The following UVRAG variants were observed in gnomAD, a reference collection of about 807,000 sequenced individuals.
UVRAG encodes the protein UV radiation resistance-associated gene protein.
A neutral mutation model predicts 78.0 loss-of-function variants in UVRAG; 19 were observed. The observed-to-expected ratio is 0.24, with a 90% CI of 0.17 to 0.36. UVRAG has a LOEUF of 0.36. UVRAG is among the 10% of genes least tolerant of loss of function. The pLI is 1.00. For synonymous variants in UVRAG, 323 were observed against 324.6 expected (o/e 1.00, Z 0.05); for missense variants, 740 against 853.8 (o/e 0.87, Z 1.66).
At chr11:75,867,252 A>T (rs991008787) in intron 3 of UVRAG, among the ~76,000 whole-genome samples, 32 of 152,194 alleles carry the variant, frequency 2.1e-4, no homozygotes, top group African/African-American at 7.5e-4. Flanking sequence ...ATACACCCAT[A>T]TATCCAGCAT....
intron 5 of UVRAG, 83 bp downstream of exon 5, chr11:75,888,986 ACT>A (rs1947155410): frequency 2.6e-6 from 3 of 1,133,548 alleles, no homozygotes; most frequent in Non-Finnish European, 3.7e-6. Context: ...AATCCTGAAA[ACT>A]CTGTGTAAAT....
intron 13 of UVRAG, among the ~76,000 whole-genome samples, chr11:76,078,597 C>A (rs147334727): frequency 4.6e-4 from 70 of 151,652 alleles, no homozygotes; most frequent in African/African-American, 1.6e-3. Flanking sequence ...GAACATAACA[C>A]CAACAATTAG....
Position 76,046,337 on chromosome 11 carries a change from C to T in UVRAG, c.1227-19373C>T, listed in dbSNP as rs572004929. Reference sequence around the variant, plus strand: ...AGGGAAACCATAGATGATCAGCCCCCGCACTGGCCAATGGAGCAAGAGATC... The same window carrying T: ...AGGGAAACCATAGATGATCAGCCCCTGCACTGGCCAATGGAGCAAGAGATC... On this transcript the variant is annotated intron_variant, in intron 12 of 14. Transcript: ENST00000356136. Among the ~76,000 whole-genome samples, 126 of 152,136 alleles carry T rather than the reference C, an allele frequency of 8.3e-4. 2 individuals carry two copies. The highest frequency in any genetic ancestry group is 2.1e-4 in the Non-Finnish European group (14 of 68,004).
At chr11:75,817,259 T>A (rs1945279368) in intron 1 of UVRAG, among the ~76,000 whole-genome samples, 1 of 152,090 alleles carries the variant, frequency 6.6e-6, no homozygotes, top group African/African-American at 2.4e-5. Context: ...CAAGAAGGTT[T>A]TAGTTTGGGG....
rs148875419 is a variant in UVRAG, at chr11:76,076,512, A to G, written c.1305+10724A>G. On this transcript the variant is annotated intron_variant, in intron 13 of 14. Transcript: ENST00000356136. ...TGCTCCCATGATTCAATTACCTCCC[A>G]CTGGGTCCCTCCCATGACACGTGGA... is the stretch of plus-strand genomic sequence containing the variant. 1.4e-4 allele frequency among the ~76,000 whole-genome samples: 21 copies of G among 152,242 alleles called. No homozygotes were observed. In the East Asian group the frequency reaches 3.5e-3, roughly 25 times the overall value.
chr11:75,978,697 A>G (rs559236689), intron 7 of UVRAG, among the ~76,000 whole-genome samples: 8 of 152,120 alleles, frequency 5.3e-5, no homozygotes, highest in Admixed American at 2.0e-4. Context: ...CATAGTTCTT[A>G]TGTCATGGTT....
chr11:75,973,217 T>C (rs1414705903), intron 7 of UVRAG, among the ~76,000 whole-genome samples: 1 of 152,220 alleles, frequency 6.6e-6, no homozygotes, highest in Non-Finnish European at 1.5e-5. Context: ...TTCCCCTCTT[T>C]TCCTAGTTAG....
chr11:75,974,588 G>A (rs1383357340), intron 7 of UVRAG, among the ~76,000 whole-genome samples: 2 of 151,196 alleles, frequency 1.3e-5, no homozygotes, highest in Admixed American at 6.6e-5. Context: ...GGATGGTCTC[G>A]ATCTCCTGAC....
intron 6 of UVRAG, among the ~76,000 whole-genome samples, chr11:75,915,970 A>C (rs1267880403): frequency 6.6e-6 from 1 of 152,206 alleles, no homozygotes; most frequent in African/African-American, 2.4e-5. Flanking sequence ...AATCATATCT[A>C]ATCTGTTCTC....
intron 12 of UVRAG, among the ~76,000 whole-genome samples, chr11:76,040,862 T>C (rs1950636208): frequency 6.6e-6 from 1 of 152,096 alleles, no homozygotes; most frequent in African/African-American, 2.4e-5. Flanking sequence ...GCCAACACAC[T>C]GGATTTTAAA....
chr11:75,997,086 A>G (rs1039064395), intron 8 of UVRAG, among the ~76,000 whole-genome samples: 1 of 152,240 alleles, frequency 6.6e-6, no homozygotes. Flanking sequence ...TAATTTTGCA[A>G]AAGTTACAGC....
At chr11:76,025,021 G>T (rs2135387871) in intron 12 of UVRAG, among the ~76,000 whole-genome samples, 1 of 152,244 alleles carries the variant, frequency 6.6e-6, no homozygotes, top group Admixed American at 6.5e-5. Flanking sequence ...AAAGTTCAAA[G>T]CTCTATTTAG....
chr11:75,925,954 C>G (rs1043243739), intron 6 of UVRAG, among the ~76,000 whole-genome samples: 1 of 152,120 alleles, frequency 6.6e-6, no homozygotes, highest in African/African-American at 2.4e-5. Flanking sequence ...CATTATATTT[C>G]TCCATCTCAT....
At chr11:75,917,193 A>G (rs1401085647) in intron 6 of UVRAG, among the ~76,000 whole-genome samples, 1 of 152,246 alleles carries the variant, frequency 6.6e-6, no homozygotes, top group Non-Finnish European at 1.5e-5. Flanking sequence ...ACAGCTTGTG[A>G]GGCTAGAAGC....
intron 12 of UVRAG, among the ~76,000 whole-genome samples, chr11:76,053,127 G>C (rs557127997): frequency 6.6e-6 from 1 of 151,666 alleles, no homozygotes; most frequent in African/African-American, 2.4e-5. Flanking sequence ...CCAACATGGC[G>C]AAACCCCATC....
At chr11:76,096,295 A>G (rs568328381) in intron 13 of UVRAG, among the ~76,000 whole-genome samples, 1 of 152,328 alleles carries the variant, frequency 6.6e-6, no homozygotes, top group East Asian at 1.9e-4. Context: ...AACAGAAGTT[A>G]TTGATAAGCC....
chr11:75,837,123 A>T (rs868011148), intron 1 of UVRAG, among the ~76,000 whole-genome samples: 3 of 151,808 alleles, frequency 2.0e-5, no homozygotes, highest in Non-Finnish European at 4.4e-5. Context: ...AGGTCAGGAG[A>T]TCAAGACCAT....
chr11:75,848,659 A>G (rs1295379005), intron 1 of UVRAG, among the ~76,000 whole-genome samples: 3 of 152,218 alleles, frequency 2.0e-5, no homozygotes, highest in African/African-American at 7.2e-5. Context: ...TGCATGTGTC[A>G]TAAAGTTATT....
At chr11:75,964,985 C>A (rs1321069135) in intron 7 of UVRAG, among the ~76,000 whole-genome samples, 1 of 152,094 alleles carries the variant, frequency 6.6e-6, no homozygotes, top group East Asian at 1.9e-4. Flanking sequence ...TCCCCAATAC[C>A]AAACTCACTT....
Sources: allele counts gnomAD v4.1 joint callset (sites outside exome capture counted in the v4.1 genomes callset), GRCh38; gene constraint gnomAD v4.1.1; transcripts MANE v1.5; gene names NCBI Gene and HGNC (gene_info 2026-07-23, HGNC 2026-07-21).